Variants in HEMK2 observed in about 807,000 individuals in gnomAD.
HEMK2 encodes methyltransferase HEMK2.
chr21:28,681,016 A>G, the HEMK2 span, among the ~76,000 whole-genome samples: 4 of 151,970 alleles, frequency 2.6e-5, no homozygotes, highest in African/African-American at 9.7e-5. Flanking sequence ...CTCTCTCACC[A>G]CTCCTATTCA....
the HEMK2 span, among the ~76,000 whole-genome samples, chr21:28,802,505 A>AT: frequency 3.3e-5 from 5 of 152,164 alleles, no homozygotes; most frequent in Admixed American, 6.5e-5. Flanking sequence ...AGGTGAGTGG[A>AT]TTACTTGAAG....
chr21:28,640,997 A>G, the HEMK2 span, among the ~76,000 whole-genome samples: 1 of 152,244 alleles, frequency 6.6e-6, no homozygotes. Flanking sequence ...TTGGGCTTTT[A>G]GTAAAAATTG....
At chr21:28,733,953 T>A in the HEMK2 span, among the ~76,000 whole-genome samples, 65 of 61,004 alleles carry the variant, frequency 1.1e-3, no homozygotes, top group African/African-American at 4.3e-3. Flanking sequence ...CATCCACAGA[T>A]GTCTGTTCTA....
At chr21:28,810,867 A>G in the HEMK2 span, among the ~76,000 whole-genome samples, 15 of 152,300 alleles carry the variant, frequency 9.8e-5, no homozygotes, top group Admixed American at 9.8e-4. Context: ...AATGGAAACC[A>G]GCATCCTCTA....
At chr21:28,686,910 T>C in the HEMK2 span, among the ~76,000 whole-genome samples, 1 of 152,218 alleles carries the variant, frequency 6.6e-6, no homozygotes, top group Non-Finnish European at 1.5e-5. Flanking sequence ...ATGTTCAAAA[T>C]ATGTTTAATT....
chr21:28,656,155 G>A, the HEMK2 span, among the ~76,000 whole-genome samples: 2 of 152,066 alleles, frequency 1.3e-5, no homozygotes, highest in Non-Finnish European at 2.9e-5. Flanking sequence ...AGAAGATGAT[G>A]GCCGAGGTAT....
At chr21:28,650,110 T>C in the HEMK2 span, among the ~76,000 whole-genome samples, 30,801 of 152,064 alleles carry the variant, frequency 0.2, 3,374 homozygotes, top group East Asian at 0.38. Flanking sequence ...ACAAAAAACA[T>C]TGCCAGCCAG....
the HEMK2 span, among the ~76,000 whole-genome samples, chr21:28,596,704 T>C: frequency 6.6e-5 from 10 of 152,308 alleles, no homozygotes; most frequent in African/African-American, 2.4e-4. Flanking sequence ...CTAGTAACCA[T>C]AGCTAGAGTC....
chr21:28,634,115 G>C, the HEMK2 span, among the ~76,000 whole-genome samples: 1 of 152,182 alleles, frequency 6.6e-6, no homozygotes, highest in Non-Finnish European at 1.5e-5. Context: ...CATATCCTCT[G>C]ACTCAAGAAG....
the HEMK2 span, among the ~76,000 whole-genome samples, chr21:28,665,390 T>A: frequency 9.8e-4 from 72 of 73,424 alleles, 1 homozygote; most frequent in African/African-American, 4.4e-3. Context: ...TTTTTTAATT[T>A]TTTTTTTTTT....
the HEMK2 span, among the ~76,000 whole-genome samples, chr21:28,655,623 C>A: frequency 6.6e-6 from 1 of 151,986 alleles, no homozygotes; most frequent in East Asian, 1.9e-4. Flanking sequence ...GTTTCTTATT[C>A]TCTCTAGGCT....
the HEMK2 span, among the ~76,000 whole-genome samples, chr21:28,705,576 G>A: frequency 2.0e-5 from 3 of 152,168 alleles, no homozygotes; most frequent in African/African-American, 7.2e-5. Context: ...TTGGGAGTCA[G>A]AAAAATGTCC....
the HEMK2 span, among the ~76,000 whole-genome samples, chr21:28,584,830 C>G: frequency 6.6e-6 from 1 of 151,906 alleles, no homozygotes; most frequent in African/African-American, 2.4e-5. Flanking sequence ...AGATAGGAAG[C>G]AAAGAAAATC....
chr21:28,883,944 C>T, the HEMK2 span, among the ~76,000 whole-genome samples: 11 of 152,266 alleles, frequency 7.2e-5, no homozygotes, highest in African/African-American at 2.4e-4. Flanking sequence ...AAAAGATCAG[C>T]TTGATGGCAT....
the HEMK2 span, among the ~76,000 whole-genome samples, chr21:28,638,172 A>G: frequency 1.3e-5 from 2 of 152,206 alleles, no homozygotes; most frequent in East Asian, 3.9e-4. Flanking sequence ...TATTAACATA[A>G]ATATTTTAAA....
the HEMK2 span, chr21:28,885,245 T>C: frequency 6.3e-7 from 1 of 1,589,800 alleles, no homozygotes; most frequent in Non-Finnish European, 8.6e-7. Context: ...CTCCAGCGCG[T>C]CCAAAAGCAG....
At chr21:28,661,547 C>T in the HEMK2 span, among the ~76,000 whole-genome samples, 1 of 151,894 alleles carries the variant, frequency 6.6e-6, no homozygotes, top group South Asian at 2.1e-4. Context: ...ATGAAAATAA[C>T]ATATATATGT....
chr21:28,606,732 A>G, the HEMK2 span, among the ~76,000 whole-genome samples: 2 of 152,340 alleles, frequency 1.3e-5, no homozygotes, highest in East Asian at 3.9e-4. Flanking sequence ...GGTTACAGTG[A>G]TAAATAAGAC....
chr21:28,763,218 C>T, the HEMK2 span, among the ~76,000 whole-genome samples: 1 of 152,126 alleles, frequency 6.6e-6, no homozygotes, highest in Non-Finnish European at 1.5e-5. Context: ...TAAAGAAATA[C>T]CTGAGGCTGG....
Sources: gnomAD v4.1 joint callset for allele counts (sites outside exome capture counted in the v4.1 genomes callset) on GRCh38, gnomAD v4.1.1 for gene constraint, MANE v1.5 for transcripts, NCBI Gene and HGNC (gene_info 2026-07-23, HGNC 2026-07-21) for gene names.